The following REV3L variants were observed in gnomAD, a reference collection of about 807,000 sequenced individuals.
REV3L encodes DNA polymerase zeta catalytic subunit.
In REV3L, 69 loss-of-function variants were observed where a neutral mutation model predicts 299.4. That is an observed-to-expected ratio of 0.23 (90% CI 0.19 to 0.28). The LOEUF (loss-of-function observed/expected upper bound fraction) is 0.28, where lower values mean the gene tolerates loss of function less well. Ranked by LOEUF, REV3L falls within the 10% of genes least tolerant of loss-of-function variation. The pLI is 1.00. For missense variants in REV3L, 3,128 were observed against 3,693.8 expected (o/e 0.85, Z 3.97); for synonymous variants, 1,238 against 1,271.4 (o/e 0.97, Z 0.56).
chr6:111,412,047 T>G (rs1334325061), intron 2 of REV3L: 1 of 985,120 alleles, frequency 1.0e-6, no homozygotes, highest in Non-Finnish European at 1.2e-6. Flanking sequence ...TAACAACACT[T>G]ACATTACTTT....
chr6:111,407,553 A>T (rs1448484798), intron 3 of REV3L, among the ~76,000 whole-genome samples: 1 of 152,242 alleles, frequency 6.6e-6, no homozygotes, highest in Non-Finnish European at 1.5e-5. Context: ...TAAGGACCTA[A>T]AATTGGATTT....
At chr6:111,393,610 A>T (rs1782167697) in intron 4 of REV3L, among the ~76,000 whole-genome samples, 1 of 152,154 alleles carries the variant, frequency 6.6e-6, no homozygotes, top group Admixed American at 6.5e-5. Context: ...GTCTAATTGT[A>T]TGTCTATATC....
rs191517663 is a variant in REV3L, at chr6:111,355,016, G to A, written c.7184+1998C>T. 2.2e-4 allele frequency among the ~76,000 whole-genome samples: 34 copies of A among 152,174 alleles called. No individual in the cohort carries two copies. In the East Asian group the frequency reaches 6.6e-3, roughly 29 times the overall value. The stretch of plus-strand genomic sequence containing the variant: ...AAATGTAATAGCATTTAGGGAAGAG[G>A]AAAAGGGAAGAATCATAGTTATATT... On this transcript the variant is annotated intron_variant, in intron 18 of 31. Coordinates refer to ENST00000368802, the MANE Select transcript of REV3L (RefSeq NM_001372078.1).
At chr6:111,472,752 A>T (rs1792391542) in intron 1 of REV3L, among the ~76,000 whole-genome samples, 1 of 152,220 alleles carries the variant, frequency 6.6e-6, no homozygotes, top group Non-Finnish European at 1.5e-5. Flanking sequence ...AAACCCACAG[A>T]GAGCTGGAAG....
At chr6:111,386,218 A>G (rs572253810) in intron 9 of REV3L, among the ~76,000 whole-genome samples, 2 of 152,348 alleles carry the variant, frequency 1.3e-5, no homozygotes, top group South Asian at 4.1e-4. Context: ...ACTAAGTGCA[A>G]AAGTAAAGAC....
intron 1 of REV3L, among the ~76,000 whole-genome samples, chr6:111,478,003 G>C (rs1047804745): frequency 3.3e-5 from 5 of 152,154 alleles, no homozygotes; most frequent in African/African-American, 1.2e-4. Flanking sequence ...CCTAAAACTA[G>C]AATTACTGGG....
At chr6:111,339,272 C>T (rs893101868) in intron 21 of REV3L, among the ~76,000 whole-genome samples, 1 of 152,064 alleles carries the variant, frequency 6.6e-6, no homozygotes, top group African/African-American at 2.4e-5. Context: ...AATATATTAA[C>T]ATCTCTCTAT....
At position 111,299,932 on chromosome 6, in the gene REV3L, A is replaced by T. The variant is rs1771290904; in HGVS notation, c.*84T>A. ...ACAGACAGTGAACATCCTTGACTCG[A>T]TGAAAGTTAAAAAGCACCATGCACA... is the stretch of plus-strand genomic sequence containing the variant. On this transcript the variant is annotated 3_prime_UTR_variant, in exon 32 of 32. Transcript: ENST00000368802. The T allele has an allele frequency of 3.0e-6, 4 of 1,347,900 alleles. No individual in the cohort carries two copies. Among genetic ancestry groups the T allele is most frequent in the Admixed American group, 4.7e-5 (2 of 42,806 alleles). 83.5% of individuals were successfully genotyped at this position (1,347,900 alleles called of 1,614,324 possible).
intron 6 of REV3L, among the ~76,000 whole-genome samples, chr6:111,389,718 TGGTCATTAA>T (rs1781707084): frequency 6.7e-6 from 1 of 150,062 alleles, no homozygotes; most frequent in East Asian, 1.9e-4. Context: ...TATTCCATTT[TGGTCATTAA>T]TTTTTTTTTT....
chr6:111,375,553 T>G lies in REV3L; in HGVS notation c.2802A>C (p.Ser934=), dbSNP rs144205104. Reference sequence around the variant, plus strand: ...TTTTTGAGTTGTGAGTTACAAAACTTGACTCACTGTCTTCAGTCTCATAAT... The same window carrying G: ...TTTTTGAGTTGTGAGTTACAAAACTGGACTCACTGTCTTCAGTCTCATAAT... ...KVNYETEDSE[S]SFVTHNSKIS... The change falls in exon 13 of 32, where the codon TCA becomes TCC. Residue 934 remains serine, a synonymous_variant. Coordinates refer to ENST00000368802, the MANE Select transcript of REV3L (RefSeq NM_001372078.1). 1 of 1,613,696 alleles carries G rather than the reference T, an allele frequency of 6.2e-7. No homozygotes were observed. The highest frequency in any genetic ancestry group is 1.3e-5 in the African/African-American group (1 of 75,010).
chr6:111,313,419 T>C lies in REV3L; in HGVS notation c.8537A>G (p.Lys2846Arg). The change falls in exon 28 of 32, where the codon AAG becomes AGG. Residue 2846 changes from lysine to arginine, a missense_variant. Coordinates refer to ENST00000368802, the MANE Select transcript of REV3L (RefSeq NM_001372078.1). Reference protein sequence around the residue: ...VGYMYETLDQKDPVFDAKGIE... With the variant: ...VGYMYETLDQRDPVFDAKGIE... ...TCCTTTTGCATCAAATACTGGGTCC[T>C]TCTGATCCAGTGTTTCATACATGTA... 1 of 1,613,026 alleles carries C rather than the reference T, an allele frequency of 6.2e-7. No homozygotes were observed.
At chr6:111,319,726 A>G (rs573174758) in intron 26 of REV3L, among the ~76,000 whole-genome samples, 46 of 152,300 alleles carry the variant, frequency 3.0e-4, no homozygotes, top group African/African-American at 8.4e-4. Context: ...TGATGAGGCA[A>G]CTAAGCCTCA....
chr6:111,376,654 T>C lies in REV3L; in HGVS notation c.1701A>G (p.Leu567=), dbSNP rs1490176688. 1 of 1,612,376 alleles carries C rather than the reference T, an allele frequency of 6.2e-7. No individual in the cohort carries two copies. The highest frequency in any genetic ancestry group is 8.5e-7 in the Non-Finnish European group (1 of 1,179,824). The part of the protein sequence containing the change: ...PSIFHKDAAT[L]EPSSSAKITF... ...TAATCTTAGCAGAAGATGAGGGTTC[T>C]AATGTAGCAGCATCTTTGTGAAAGA... Residue 567 remains leucine (L), a synonymous_variant, in exon 13 of 32, where the codon TTA becomes TTG. Coordinates refer to ENST00000368802, the MANE Select transcript of REV3L (RefSeq NM_001372078.1).
Position 111,363,618 on chromosome 6 carries a change from G to T in REV3L, c.6879+235C>A, listed in dbSNP as rs555064565. Reference sequence around the variant, plus strand: ...TCCATAAGCTGAATTTCAGTTATGAGATTTGTGAAAGATATGAAATCACAA... The same window carrying T: ...TCCATAAGCTGAATTTCAGTTATGATATTTGTGAAAGATATGAAATCACAA... On this transcript the variant is annotated intron_variant, in intron 16 of 31. Coordinates refer to ENST00000368802, the MANE Select transcript of REV3L (RefSeq NM_001372078.1). Among the ~76,000 whole-genome samples the T allele has an allele frequency of 2.0e-5, 3 of 152,132 alleles. No homozygotes were observed. In the East Asian group the frequency reaches 5.8e-4, roughly 29 times the overall value.
intron 10 of REV3L, among the ~76,000 whole-genome samples, chr6:111,380,808 T>C (rs1260539600): frequency 6.6e-6 from 1 of 152,234 alleles, no homozygotes; most frequent in East Asian, 1.9e-4. Flanking sequence ...AGCTCAGCAC[T>C]GTCAGCCCCT....
At chr6:111,441,018 C>T (rs868821362) in intron 1 of REV3L, among the ~76,000 whole-genome samples, 3 of 152,136 alleles carry the variant, frequency 2.0e-5, no homozygotes, top group African/African-American at 4.8e-5. Flanking sequence ...TGGTTTCTTT[C>T]AAAATTTTCT....
intron 26 of REV3L, among the ~76,000 whole-genome samples, chr6:111,316,993 CA>C (rs1773603014): frequency 6.6e-6 from 1 of 152,086 alleles, no homozygotes; most frequent in Non-Finnish European, 1.5e-5. Flanking sequence ...GTATATTCTA[CA>C]ACCTGACCAC....
chr6:111,460,691 A>G (rs1319188905), intron 1 of REV3L, among the ~76,000 whole-genome samples: 1 of 152,152 alleles, frequency 6.6e-6, no homozygotes, highest in Non-Finnish European at 1.5e-5. Flanking sequence ...GACATGAACA[A>G]CAGTATAAAC....
At chr6:111,377,668 A>C (rs1780447358) in intron 12 of REV3L, 33 bp downstream of exon 12, 1 of 1,594,172 alleles carries the variant, frequency 6.3e-7, no homozygotes, top group Admixed American at 1.8e-5. Context: ...GATCGTGAAT[A>C]ACCAATTTCT....
Sources: allele counts gnomAD v4.1 joint callset (sites outside exome capture counted in the v4.1 genomes callset), GRCh38; gene constraint gnomAD v4.1.1; transcripts MANE v1.5; gene names NCBI Gene and HGNC (gene_info 2026-07-23, HGNC 2026-07-21).